RBM20: variants seen among roughly 807,000 people sequenced by gnomAD.
The protein encoded by RBM20 is RNA binding motif protein 20.
A neutral mutation model predicts 110.1 loss-of-function variants in RBM20; 51 were observed. The observed-to-expected ratio is 0.46, with a 90% CI of 0.37 to 0.59. RBM20 has a LOEUF of 0.59. RBM20 is among the 20% of genes least tolerant of loss of function. The probability of loss-of-function intolerance (pLI) is 0.00; values close to 1 mark genes in which losing one functional copy is unlikely to be tolerated. For synonymous variants in RBM20, 589 were observed against 618.2 expected, an observed-to-expected ratio of 0.95 and a Z score of 0.70; for missense variants, 1,512 against 1,574.9, an observed-to-expected ratio of 0.96 and a Z score of 0.68.
intron 1 of RBM20, among the ~76,000 whole-genome samples, chr10:110,659,591 C>T (rs1375023453): frequency 6.6e-6 from 1 of 152,144 alleles, no homozygotes; most frequent in Non-Finnish European, 1.5e-5. Context: ...GTGGAAATGA[C>T]CACTAGGAAC....
chr10:110,678,445 G>T (rs187308335), intron 1 of RBM20, among the ~76,000 whole-genome samples: 1 of 152,334 alleles, frequency 6.6e-6, no homozygotes, highest in Admixed American at 6.5e-5. Context: ...GCCCACTGCA[G>T]CATCATCAGA....
At chr10:110,711,439 C>T (rs1027289858) in intron 1 of RBM20, among the ~76,000 whole-genome samples, 5 of 151,420 alleles carry the variant, frequency 3.3e-5, no homozygotes. Flanking sequence ...TAGCTCTTGC[C>T]TGGCTGGGAG....
intron 1 of RBM20, among the ~76,000 whole-genome samples, chr10:110,650,789 A>C (rs932094050): frequency 3.3e-5 from 5 of 152,166 alleles, no homozygotes; most frequent in African/African-American, 1.2e-4. Flanking sequence ...ATATGTTTTT[A>C]AGTTTTGTTA....
chr10:110,723,549 A>G (rs1411178543), intron 1 of RBM20, among the ~76,000 whole-genome samples: 3 of 152,262 alleles, frequency 2.0e-5, no homozygotes, highest in Non-Finnish European at 4.4e-5. Context: ...GCCACTAACA[A>G]TGAATGAGGA....
At chr10:110,690,620 C>T (rs1862573910) in intron 1 of RBM20, among the ~76,000 whole-genome samples, 1 of 152,180 alleles carries the variant, frequency 6.6e-6, no homozygotes, top group African/African-American at 2.4e-5. Flanking sequence ...TTAGGTATCT[C>T]ATATAAGTAA....
intron 1 of RBM20, among the ~76,000 whole-genome samples, chr10:110,715,279 G>A (rs1862998081): frequency 6.6e-6 from 1 of 152,052 alleles, no homozygotes; most frequent in African/African-American, 2.4e-5. Context: ...AACAAACAAA[G>A]AAAAAACCCA....
chr10:110,664,085 A>T (rs1312959491), intron 1 of RBM20, among the ~76,000 whole-genome samples: 4 of 152,310 alleles, frequency 2.6e-5, no homozygotes, highest in Non-Finnish European at 4.4e-5. Context: ...AAATAAAAAA[A>T]TTTTTCTAAC....
rs529407672 is a variant in RBM20 at position 110,696,933 on chromosome 10, C to T, written c.191+52288C>T. 8.5e-5 allele frequency among the ~76,000 whole-genome samples: 13 copies of T among 152,322 alleles called. No homozygotes were observed. The South Asian group carries it at 2.5e-3, about 29-fold the overall frequency. On this transcript the variant is annotated intron_variant, in intron 1 of 13. Transcript: ENST00000369519. Reference sequence around the variant, plus strand: ...GACCAAAAGACTGGAGATTTCCAGCCTCCCAAAAGGGAGCCCATCCACAGC... The same window carrying T: ...GACCAAAAGACTGGAGATTTCCAGCTTCCCAAAAGGGAGCCCATCCACAGC...
Position 110,821,924 on chromosome 10 carries a change from T to G in RBM20, c.3305T>G (p.Val1102Gly). 3 of 1,551,646 alleles carry G rather than the reference T, an allele frequency of 1.9e-6. No individual in the cohort carries two copies. Among genetic ancestry groups the G allele is most frequent in the Non-Finnish European group, 1.7e-6 (2 of 1,146,980 alleles). The change falls in exon 11 of 14, where the codon GTG becomes GGG. Residue 1102 changes from valine (V) to glycine (G), a missense_variant. Transcript: ENST00000369519. ...TDLQNQACQE[V>G]LTPENSRYVE... ...CTCCAAAACCAAGCTTGCCAAGAAG[T>G]GTTGACCCCGGGTAACTATCTCCCC...
chr10:110,658,476 C>T (rs112154219), intron 1 of RBM20, among the ~76,000 whole-genome samples: 14 of 152,278 alleles, frequency 9.2e-5, no homozygotes, highest in African/African-American at 2.9e-4. Flanking sequence ...AGCCAATGAT[C>T]GGAGATCCCG....
Position 110,833,572 on chromosome 10 carries a change from G to A in RBM20, c.3574-2296G>A, listed in dbSNP as rs1392069037. Among the ~76,000 whole-genome samples, 4 of 152,118 alleles carry A rather than the reference G, an allele frequency of 2.6e-5. No homozygotes were observed. The East Asian group carries it at 7.7e-4, about 29-fold the overall frequency. On this transcript the variant is annotated intron_variant, in intron 13 of 13. Transcript: ENST00000369519. ...CAGTAGTATTGTGCAGCCCTTCAGGGGGCCACATAGTTCAAGGTCACCTCG... is the reference window on the plus strand; with the variant it reads ...CAGTAGTATTGTGCAGCCCTTCAGGAGGCCACATAGTTCAAGGTCACCTCG...
intron 1 of RBM20, among the ~76,000 whole-genome samples, chr10:110,731,814 G>A (rs574476000): frequency 1.1e-4 from 17 of 152,352 alleles, no homozygotes; most frequent in African/African-American, 4.1e-4. Flanking sequence ...TATGCTGAGA[G>A]TGTTCTCTTC....
In RBM20 at chr10:110,820,107, C is replaced by A. The variant is rs1844888790; in HGVS notation, c.2586C>A (p.Ser862Arg). 1 of 1,551,124 alleles carries A rather than the reference C, an allele frequency of 6.4e-7. No individual in the cohort carries two copies. The highest frequency in any genetic ancestry group is 1.4e-5 in the African/African-American group (1 of 73,030). Reference sequence around the variant, plus strand: ...AGGAACAGGAGGGCATGGAAGAAAGCCCTCAATCAGTGGGCAGACAGGAGA... The same window carrying A: ...AGGAACAGGAGGGCATGGAAGAAAGACCTCAATCAGTGGGCAGACAGGAGA... The part of the protein sequence containing the change: ...GKEEQEGMEE[S>R]PQSVGRQEKE... The change falls in exon 10 of 14, where the codon AGC becomes AGA. Residue 862 changes from serine to arginine, a missense_variant. Ser to Arg is a moderately radical substitution (Grantham distance 110). This residue lies in a region of RBM20 where 1,149 missense variants were observed against 1,169.4 expected (regional missense o/e 0.98). Transcript: ENST00000369519.
At chr10:110,831,284 C>A in intron 13 of RBM20, 102 bp downstream of exon 13, 3 of 1,295,048 alleles carry the variant, frequency 2.3e-6, no homozygotes, top group Non-Finnish European at 2.1e-6. Flanking sequence ...CTGAGTCTAG[C>A]TCCTACCTGC....
At chr10:110,736,852 T>C (rs12265134) in intron 1 of RBM20, among the ~76,000 whole-genome samples, 26,215 of 151,888 alleles carry the variant, frequency 0.17, 3,595 homozygotes, top group African/African-American at 0.39. Flanking sequence ...AATTAAGTCA[T>C]GAAGGCATGA....
At chr10:110,767,139 T>C (rs370447849) in intron 1 of RBM20, among the ~76,000 whole-genome samples, 16,647 of 60,260 alleles carry the variant, frequency 0.28, 2,930 homozygotes, top group East Asian at 0.44. Flanking sequence ...CCCTCCCGGA[T>C]GGGGTGGCTG....
intron 1 of RBM20, among the ~76,000 whole-genome samples, chr10:110,660,028 G>A (rs1862080203): frequency 6.6e-6 from 1 of 151,736 alleles, no homozygotes; most frequent in African/African-American, 2.4e-5. Context: ...ATGTTGCTCA[G>A]TCTGGTCTCA....
chr10:110,645,281 G>C (rs1338303307), intron 1 of RBM20, among the ~76,000 whole-genome samples: 1 of 151,592 alleles, frequency 6.6e-6, no homozygotes, highest in Non-Finnish European at 1.5e-5. Context: ...GAGAAGGTTG[G>C]GGGTGGTTAA....
intron 1 of RBM20, among the ~76,000 whole-genome samples, chr10:110,778,084 C>T (rs767214137): frequency 6.6e-6 from 1 of 152,220 alleles, no homozygotes. Flanking sequence ...CATTCTGCTG[C>T]TGTTGAATTT....
Sources: allele counts gnomAD v4.1 joint callset (sites outside exome capture counted in the v4.1 genomes callset), GRCh38; gene constraint gnomAD v4.1.1; regional missense constraint gnomAD v4.1.1; transcripts MANE v1.5; gene names NCBI Gene and HGNC (gene_info 2026-07-23, HGNC 2026-07-21).